INPP4A: variants seen among roughly 807,000 people sequenced by gnomAD.
INPP4A encodes inositol polyphosphate-4-phosphatase type I A, also known as inositol polyphosphate-4-phosphatase, type I, 107kD.
In INPP4A, 33 loss-of-function variants were observed where a neutral mutation model predicts 119.8. The observed-to-expected ratio is 0.28, with a 90% CI of 0.21 to 0.37. INPP4A has a LOEUF of 0.37. Ranked by LOEUF, INPP4A falls within the 10% of genes least tolerant of loss-of-function variation. INPP4A has a pLI of 1.00. For missense variants in INPP4A, 956 were observed against 1,289.9 expected, an observed-to-expected ratio of 0.74 and a Z score of 3.97; for synonymous variants, 496 against 500.7, an observed-to-expected ratio of 0.99 and a Z score of 0.12.
intron 1 of INPP4A, among the ~76,000 whole-genome samples, chr2:98,473,404 C>T (rs1202176159): frequency 6.8e-6 from 1 of 148,024 alleles, no homozygotes; most frequent in Non-Finnish European, 1.5e-5. Flanking sequence ...AGTGTGAGGA[C>T]AGTGGAGAGT....
At chr2:98,472,647 C>T (rs1217227957) in intron 1 of INPP4A, among the ~76,000 whole-genome samples, 3 of 152,234 alleles carry the variant, frequency 2.0e-5, no homozygotes, top group Non-Finnish European at 4.4e-5. Flanking sequence ...CTAGCCCCAG[C>T]CCAGGGCTCA....
intron 1 of INPP4A, among the ~76,000 whole-genome samples, chr2:98,464,977 G>T (rs970277520): frequency 6.6e-6 from 1 of 152,206 alleles, no homozygotes; most frequent in Non-Finnish European, 1.5e-5. Context: ...TTGAGGATGG[G>T]TTGGTGGCCC....
At chr2:98,518,690 C>G (rs559777429) in intron 1 of INPP4A, among the ~76,000 whole-genome samples, 3 of 152,240 alleles carry the variant, frequency 2.0e-5, no homozygotes, top group Non-Finnish European at 4.4e-5. Context: ...ATTCTCATCC[C>G]CCTAAACCAC....
intron 1 of INPP4A, among the ~76,000 whole-genome samples, chr2:98,450,602 C>T (rs1259837029): frequency 1.3e-5 from 2 of 152,034 alleles, no homozygotes; most frequent in Non-Finnish European, 2.9e-5. Context: ...TAGTAGCAGC[C>T]CCAGAGGCTT....
At chr2:98,543,505 C>T (rs1559043011) in intron 10 of INPP4A, among the ~76,000 whole-genome samples, 1 of 152,138 alleles carries the variant, frequency 6.6e-6, no homozygotes, top group Non-Finnish European at 1.5e-5. Context: ...GTTGTTTTGC[C>T]CAGACTCAGG....
chr2:98,581,511 TTTTC>T (rs1699301054), intron 24 of INPP4A: 1 of 1,458,104 alleles, frequency 6.9e-7, no homozygotes, highest in Non-Finnish European at 9.1e-7. Context: ...TGTCTTCTTT[TTTTC>T]TTTATTTTCT....
intron 1 of INPP4A, among the ~76,000 whole-genome samples, chr2:98,480,974 G>T (rs1228051369): frequency 1.3e-5 from 2 of 152,190 alleles, no homozygotes; most frequent in Non-Finnish European, 2.9e-5. Context: ...ATGCTTCTCA[G>T]GCTGCAGGCT....
rs935716763 is a variant in INPP4A at position 98,531,193 on chromosome 2, A to G, written c.152-2184A>G. On this transcript the variant is annotated intron_variant, in intron 4 of 24. Coordinates refer to ENST00000409851, the MANE Select transcript of INPP4A (RefSeq NM_001134225.2). ...GGGGTTTGTGTCAGAGGACAGACCT[A>G]CTTAAAGAAACTTTAGGGGGACACA... 3.5e-4 allele frequency among the ~76,000 whole-genome samples: 53 copies of G among 152,222 alleles called. 1 individual carries two copies. Among genetic ancestry groups the G allele is most frequent in the Admixed American group, 2.0e-3 (30 of 15,286 alleles).
chr2:98,563,695 A>G, intron 18 of INPP4A, 58 bp downstream of exon 18: 1 of 1,546,538 alleles, frequency 6.5e-7, no homozygotes, highest in Non-Finnish European at 8.8e-7. Context: ...CAGAAAAGAC[A>G]GGCTTAGGAA....
chr2:98,453,345 G>T (rs1482233096), intron 1 of INPP4A, among the ~76,000 whole-genome samples: 1 of 152,216 alleles, frequency 6.6e-6, no homozygotes, highest in Non-Finnish European at 1.5e-5. Flanking sequence ...AGTGGTTCAT[G>T]AAATCAATTT....
intron 13 of INPP4A, among the ~76,000 whole-genome samples, chr2:98,547,718 G>T (rs753203249): frequency 3.9e-4 from 59 of 152,096 alleles, no homozygotes; most frequent in Non-Finnish European, 5.7e-4. Context: ...AACAGTGTTA[G>T]AGCCGGGTTC....
At chr2:98,559,288 G>C (rs923973454) in intron 16 of INPP4A, among the ~76,000 whole-genome samples, 175 bp from the exon 17 acceptor site, 1 of 152,206 alleles carries the variant, frequency 6.6e-6, no homozygotes. Context: ...GGAGCAGCCA[G>C]AGTACTTTCG....
chr2:98,508,576 G>T (rs1394790287), intron 1 of INPP4A, among the ~76,000 whole-genome samples: 2 of 152,166 alleles, frequency 1.3e-5, no homozygotes, highest in Non-Finnish European at 2.9e-5. Context: ...TTGATGAGGG[G>T]GTTGAAATAC....
chr2:98,573,023 G>C, intron 23 of INPP4A, 96 bp downstream of exon 23: 30 of 918,890 alleles, frequency 3.3e-5, no homozygotes, highest in Non-Finnish European at 4.6e-5. Flanking sequence ...CAGGAGAGCA[G>C]AGCTCTCCAT....
intron 16 of INPP4A, chr2:98,556,215 C>T (rs763017695): frequency 9.0e-5 from 16 of 178,458 alleles, no homozygotes; most frequent in Non-Finnish European, 1.4e-4. Context: ...GGGAATTGTT[C>T]AGGGACACAG....
intron 24 of INPP4A, among the ~76,000 whole-genome samples, chr2:98,586,358 A>C (rs1699949740): frequency 1.3e-5 from 2 of 151,866 alleles, no homozygotes; most frequent in Non-Finnish European, 2.9e-5. Flanking sequence ...TAAATGCGTG[A>C]CATAATGGTC....
intron 1 of INPP4A, among the ~76,000 whole-genome samples, chr2:98,452,566 G>C (rs1322756827): frequency 6.6e-6 from 1 of 152,210 alleles, no homozygotes; most frequent in Non-Finnish European, 1.5e-5. Flanking sequence ...AGAGAGGATG[G>C]TGGGTGGCCA....
At chr2:98,507,915 C>G (rs553886985) in intron 1 of INPP4A, among the ~76,000 whole-genome samples, 1 of 152,308 alleles carries the variant, frequency 6.6e-6, no homozygotes, top group East Asian at 1.9e-4. Flanking sequence ...CTTAGCCAGG[C>G]TAGCAGGAGT....
intron 1 of INPP4A, among the ~76,000 whole-genome samples, chr2:98,510,991 A>G (rs555346801): frequency 6.6e-6 from 1 of 152,266 alleles, no homozygotes; most frequent in Admixed American, 6.5e-5. Context: ...GCCCTAAGTC[A>G]GGTCATTTGT....
Sources: allele counts gnomAD v4.1 joint callset (sites outside exome capture counted in the v4.1 genomes callset), GRCh38; gene constraint gnomAD v4.1.1; transcripts MANE v1.5; gene names NCBI Gene and HGNC (gene_info 2026-07-23, HGNC 2026-07-21).